The following WTIP variants were observed in gnomAD, a reference collection of about 807,000 sequenced individuals.
WTIP encodes the protein Wilms tumor protein 1-interacting protein.
In WTIP, 23 loss-of-function variants were observed where a neutral mutation model predicts 41.7. The ratio of observed to expected loss-of-function variants is 0.55; its 90% CI spans 0.40 to 0.78. WTIP has a LOEUF of 0.78. Among genes scored for constraint, WTIP ranks in the 30% least tolerant of loss-of-function variants. The pLI is 0.00. For missense variants in WTIP, 619 were observed against 610.5 expected, an observed-to-expected ratio of 1.01 and a Z score of -0.15; for synonymous variants, 314 against 269.9, an observed-to-expected ratio of 1.16 and a Z score of -1.60.
intron 2 of WTIP, 115 bp downstream of exon 2, chr19:34,490,592 C>T (rs2075820661): frequency 1.8e-6 from 2 of 1,139,598 alleles, no homozygotes; most frequent in South Asian, 1.4e-5. Flanking sequence ...GGCTCTGGCC[C>T]AGGCTGGGCT....
rs1288416701 is a variant in WTIP at position 34,503,856 on chromosome 19, G to A, written c.*3587G>A. 6.6e-6 allele frequency: 1 copy of A among 152,372 alleles called. No individual in the cohort carries two copies. The highest frequency in any genetic ancestry group is 1.5e-5 in the Non-Finnish European group (1 of 68,192). 9.4% of individuals were successfully genotyped at this position (152,372 alleles called of 1,614,324 possible). A position where few individuals can be genotyped will look rare whatever the true frequency, so the allele number is the denominator to read the frequency against. On this transcript the variant is annotated 3_prime_UTR_variant, in exon 8 of 8. Coordinates refer to ENST00000590071, the MANE Select transcript of WTIP (RefSeq NM_001080436.2). ...TTGCCTAGTGAAGGATCCACAGTGG[G>A]TACATAAAGGGCCAAGCGCTGTCCA...
At chr19:34,495,846 G>A in intron 7 of WTIP, 75 bp downstream of exon 7, 5 of 1,501,248 alleles carry the variant, frequency 3.3e-6, no homozygotes, top group Non-Finnish European at 3.7e-6. Flanking sequence ...TGGGTGTTCT[G>A]TGGGCTTACC....
chr19:34,484,477 G>T (rs1296371280), intron 1 of WTIP, among the ~76,000 whole-genome samples: 1 of 152,142 alleles, frequency 6.6e-6, no homozygotes, highest in Non-Finnish European at 1.5e-5. Flanking sequence ...GGCAGGTCTC[G>T]TGGCGCCTGT....
rs2040769525 is a variant in WTIP at position 34,506,664 on chromosome 19, G to C, written c.*6395G>C. 1.3e-5 allele frequency: 2 copies of C among 152,136 alleles called. No individual in the cohort carries two copies. The highest frequency in any genetic ancestry group is 4.8e-5 in the African/African-American group (2 of 41,404). The allele number at this position is 152,136 out of a possible 1,614,324, so 9.4% of individuals were successfully genotyped here. On this transcript the variant is annotated 3_prime_UTR_variant, in exon 8 of 8. Transcript: ENST00000590071. ...CCCAGCTACTGGGGAGGAGGCTGAGGCACGAGAATCGCTTGAACTGGGGAG... is the reference window on the plus strand; with the variant it reads ...CCCAGCTACTGGGGAGGAGGCTGAGCCACGAGAATCGCTTGAACTGGGGAG...
chr19:34,482,424 G>T lies in WTIP; in HGVS notation c.450G>T (p.Arg150=). The T allele has an allele frequency of 6.7e-6, 9 of 1,347,068 alleles. No homozygotes were observed. The highest frequency in any genetic ancestry group is 3.4e-5 in the East Asian group (1 of 29,686). 83.4% of individuals were successfully genotyped at this position (1,347,068 alleles called of 1,614,324 possible). ...CCAGCGTTTCCAGCCTCGGCTCCCG[G>T]GGCTCGGCCGGCGCCTACGCTGACT... ...ARSSVSSLGS[R]GSAGAYADFL... is the part of the protein sequence containing the mutation. The change falls in exon 1 of 8, where the codon CGG becomes CGT. Residue 150 remains arginine, a synonymous_variant. Transcript: ENST00000590071.
chr19:34,499,906 C>T (rs1244029357), intron 7 of WTIP, among the ~76,000 whole-genome samples: 1 of 152,098 alleles, frequency 6.6e-6, no homozygotes, highest in Non-Finnish European at 1.5e-5. Flanking sequence ...ACCATGTTGG[C>T]TGGGCTGGTC....
chr19:34,483,360 A>C (rs1599950509), intron 1 of WTIP, among the ~76,000 whole-genome samples: 1 of 151,566 alleles, frequency 6.6e-6, no homozygotes, highest in Admixed American at 6.6e-5. Flanking sequence ...CTCTCATTCT[A>C]TCTGATCCTT....
intron 5 of WTIP, among the ~76,000 whole-genome samples, 192 bp from the exon 6 acceptor site, chr19:34,494,391 TAAA>T (rs1238384563): frequency 1.4e-5 from 2 of 140,860 alleles, no homozygotes; most frequent in Non-Finnish European, 1.6e-5. Flanking sequence ...CCATTTCTAT[TAAA>T]AAAAAAAAAA....
In WTIP at chr19:34,482,640, CG is replaced by C; in HGVS notation, c.667+1del. On this transcript the variant is annotated frameshift_variant and splice_region_variant, in exon 1 of 8. Transcript: ENST00000590071. LOFTEE classifies it high-confidence loss of function. Reference sequence around the variant, plus strand: ...AGGCGCGCACGGCGCGGGACTACTTCGGTGAGCTCGCTCGGCCCGGCAGTTC... The same window carrying C: ...AGGCGCGCACGGCGCGGGACTACTTCGTGAGCTCGCTCGGCCCGGCAGTTC... ...LEARTARDYFGICIKCGLGIY... is the reference protein window; with the variant it reads ...LEARTARDYFXICIKCGLGIY... The C allele has an allele frequency of 8.1e-7, 1 of 1,228,148 alleles. No individual in the cohort carries two copies. Among genetic ancestry groups the C allele is most frequent in the Non-Finnish European group, 1.0e-6 (1 of 985,672 alleles). 76.1% of individuals were successfully genotyped at this position (1,228,148 alleles called of 1,614,324 possible).
rs1054287625 is a variant in WTIP, at chr19:34,481,815, G to A, written c.-160G>A. 1 of 203,484 alleles carries A rather than the reference G, an allele frequency of 4.9e-6. No homozygotes were observed. Among genetic ancestry groups the A allele is most frequent in the African/African-American group, 2.4e-5 (1 of 41,946 alleles). 12.6% of individuals were successfully genotyped at this position (203,484 alleles called of 1,614,324 possible). ...CGCCGCGTCCCCCGGCCCGCGCGTG[G>A]CCGCCGGAACGACCCCGGCCCGGCG... On this transcript the variant is annotated 5_prime_UTR_variant, in exon 1 of 8. Transcript: ENST00000590071.
At chr19:34,490,515 G>C (rs765744579) in intron 2 of WTIP, 38 bp downstream of exon 2, 2 of 1,581,048 alleles carry the variant, frequency 1.3e-6, no homozygotes, top group Non-Finnish European at 1.7e-6. Flanking sequence ...CTGTGAAGGG[G>C]ACCTGCCACA....
At chr19:34,495,130 C>T (rs963940967) in intron 6 of WTIP, among the ~76,000 whole-genome samples, 4 of 152,126 alleles carry the variant, frequency 2.6e-5, no homozygotes, top group Admixed American at 6.5e-5. Flanking sequence ...GCACAGGGGC[C>T]CACGCCTGTA....
chr19:34,492,842 G>T (rs534250223), intron 2 of WTIP, among the ~76,000 whole-genome samples, 195 bp from the exon 3 acceptor site: 30 of 151,984 alleles, frequency 2.0e-4, no homozygotes, highest in African/African-American at 6.5e-4. Flanking sequence ...TAACTCTGTC[G>T]ACAATGTGTT....
In WTIP at chr19:34,510,918, G is replaced by C. The variant is rs961260672; in HGVS notation, c.*10649G>C. The C allele has an allele frequency of 6.6e-6, 1 of 152,234 alleles. No individual in the cohort carries two copies. The highest frequency in any genetic ancestry group is 6.5e-5 in the Admixed American group (1 of 15,276). 9.4% of individuals were successfully genotyped at this position (152,234 alleles called of 1,614,324 possible). ...TGAGACCACATCAGCCTGGACCTTAGTATTCATATCACTATCAGCATTTTT... is the reference window on the plus strand; with the variant it reads ...TGAGACCACATCAGCCTGGACCTTACTATTCATATCACTATCAGCATTTTT... On this transcript the variant is annotated 3_prime_UTR_variant, in exon 8 of 8. Coordinates refer to ENST00000590071, the MANE Select transcript of WTIP (RefSeq NM_001080436.2).
At chr19:34,500,086 C>A (rs759478151) in intron 7 of WTIP, 43 bp from the exon 8 acceptor site, 3 of 1,591,908 alleles carry the variant, frequency 1.9e-6, no homozygotes, top group African/African-American at 2.7e-5. Context: ...CTGATGTGCG[C>A]TTGTCTGCTG....
At position 34,482,353 on chromosome 19, in the gene WTIP, G is replaced by T. The variant is rs2075772022; in HGVS notation, c.379G>T (p.Asp127Tyr). 3 of 1,386,096 alleles carry T rather than the reference G, an allele frequency of 2.2e-6. No individual in the cohort carries two copies. Among genetic ancestry groups the T allele is most frequent in the Non-Finnish European group, 2.8e-6 (3 of 1,064,958 alleles). 85.9% of individuals were successfully genotyped at this position (1,386,096 alleles called of 1,614,324 possible). ...CGGCAGCCCGCGCTCCGGTCGCTCGGACCCGCGTCCCGGTCCCGGGCCGCC... is the reference window on the plus strand; with the variant it reads ...CGGCAGCCCGCGCTCCGGTCGCTCGTACCCGCGTCCCGGTCCCGGGCCGCC... ...RHGSPRSGRS[D>Y]PRPGPGPPSV... is the part of the protein sequence containing the mutation. The change falls in exon 1 of 8, where the codon GAC becomes TAC. Residue 127 changes from aspartate to tyrosine, a missense_variant. Physicochemically the swap from Asp to Tyr is radical, Grantham distance 160 (BLOSUM62 -3). Coordinates refer to ENST00000590071, the MANE Select transcript of WTIP (RefSeq NM_001080436.2).
chr19:34,490,490 G>A lies in WTIP; in HGVS notation c.769+13G>A, dbSNP rs1344338366. On this transcript the variant is annotated intron_variant, in intron 2 of 7. Coordinates refer to ENST00000590071, the MANE Select transcript of WTIP (RefSeq NM_001080436.2). The stretch of plus-strand genomic sequence containing the variant: ...TGCGACTCGTGTGGTAGGTAACCTC[G>A]TGCCCTGGGTAGCTCTGTGAAGGGG... 3.7e-6 allele frequency: 6 copies of A among 1,612,372 alleles called. No individual in the cohort carries two copies. Among genetic ancestry groups the A allele is most frequent in the South Asian group, 2.2e-5 (2 of 91,000 alleles).
rs61729861 is a variant in WTIP at position 34,493,068 on chromosome 19, C to T, written c.801C>T (p.Asn267=). Residue 267 remains asparagine, a synonymous_variant, in exon 3 of 8, where the codon AAC becomes AAT. Coordinates refer to ENST00000590071, the MANE Select transcript of WTIP (RefSeq NM_001080436.2). The surrounding 1 kb of genome is among the most constrained non-coding windows in gnomAD (Gnocchi z 4.1). The part of the protein sequence containing the change: ...GRRLRGKAFY[N]VGEKVYCQED... Reference sequence around the variant, plus strand: ...GACTCCGTGGGAAGGCGTTCTACAACGTGGGTGAGAAAGTGTACTGCCAGG... The same window carrying T: ...GACTCCGTGGGAAGGCGTTCTACAATGTGGGTGAGAAAGTGTACTGCCAGG... 713 of 1,613,926 alleles carry T rather than the reference C, an allele frequency of 4.4e-4. 1 individual carries two copies. In the African/African-American group the frequency reaches 5.5e-3, roughly 12 times the overall value.
At chr19:34,488,054 A>C (rs2075806491) in intron 1 of WTIP, among the ~76,000 whole-genome samples, 1 of 149,908 alleles carries the variant, frequency 6.7e-6, no homozygotes, top group African/African-American at 2.4e-5. Flanking sequence ...CACAGCAGCG[A>C]CCCTCATGTC....
Sources: gnomAD v4.1 joint callset for allele counts (sites outside exome capture counted in the v4.1 genomes callset) on GRCh38, gnomAD v4.1.1 for gene constraint, Gnocchi (gnomAD v3.1) non-coding constraint, MANE v1.5 for transcripts, NCBI Gene and HGNC (gene_info 2026-07-23, HGNC 2026-07-21) for gene names.